NYAP2: variants seen among roughly 807,000 people sequenced by gnomAD.
NYAP2 encodes neuronal tyrosine-phosphorylated phosphoinositide-3-kinase adapter 2.
A neutral mutation model predicts 50.4 loss-of-function variants in NYAP2; 23 were observed. The ratio of observed to expected loss-of-function variants is 0.46; its 90% CI spans 0.33 to 0.65. The LOEUF (loss-of-function observed/expected upper bound fraction) is 0.65. Ranked by LOEUF, NYAP2 falls within the 30% of genes least tolerant of loss-of-function variation. The pLI is 0.02. For synonymous variants in NYAP2, 394 were observed against 365.2 expected (o/e 1.08, Z -0.90); for missense variants, 885 against 861.0 (o/e 1.03, Z -0.35).
At chr2:225,682,689 T>C in the NYAP2 span, among the ~76,000 whole-genome samples, 1 of 152,144 alleles carries the variant, frequency 6.6e-6, no homozygotes, top group Non-Finnish European at 1.5e-5. Flanking sequence ...AAAGAATTCC[T>C]CATATTTTCA....
downstream of NYAP2, among the ~76,000 whole-genome samples, chr2:225,657,356 T>C (rs1246088469): frequency 2.0e-5 from 3 of 151,796 alleles, no homozygotes; most frequent in African/African-American, 7.3e-5. Flanking sequence ...GTGATCCACC[T>C]GCCTCAGCCT....
rs565384451 is a variant in NYAP2 at position 225,635,947 on chromosome 2, A to G, written c.1828+8821A>G. Among the ~76,000 whole-genome samples the G allele has an allele frequency of 2.2e-3, 342 of 152,334 alleles. 2 individuals are homozygous for G. Among genetic ancestry groups the G allele is most frequent in the African/African-American group, 7.8e-3 (325 of 41,578 alleles). On this transcript the variant is annotated intron_variant, in intron 6 of 6. Transcript: ENST00000636099. The stretch of plus-strand genomic sequence containing the variant: ...AATGTGTACATCTTCTCTAATAAAT[A>G]TCCAGCTTGAGATTCATTTATCTAT...
chr2:225,461,123 T>C (rs943343900), intron 3 of NYAP2, among the ~76,000 whole-genome samples: 3 of 152,078 alleles, frequency 2.0e-5, no homozygotes, highest in African/African-American at 4.8e-5. Context: ...TAGTTCTGCT[T>C]AAAGCTAAAT....
At chr2:225,514,402 G>A (rs1371600027) in intron 4 of NYAP2, among the ~76,000 whole-genome samples, 1 of 152,296 alleles carries the variant, frequency 6.6e-6, no homozygotes, top group South Asian at 2.1e-4. Context: ...GTCATTTGGG[G>A]CTGCTATAAC....
the NYAP2 span, among the ~76,000 whole-genome samples, chr2:225,682,714 G>T: frequency 1.3e-5 from 2 of 152,134 alleles, no homozygotes; most frequent in Non-Finnish European, 2.9e-5. Flanking sequence ...TAGCAGGCAT[G>T]CTTCATCTTT....
At chr2:225,452,658 C>T (rs932401303) in intron 3 of NYAP2, among the ~76,000 whole-genome samples, 3 of 152,172 alleles carry the variant, frequency 2.0e-5, no homozygotes, top group African/African-American at 7.2e-5. Context: ...AACTAAGCAA[C>T]CCAAGAGTGC....
chr2:225,620,402 C>T (rs1001985086), intron 5 of NYAP2, among the ~76,000 whole-genome samples: 11 of 151,156 alleles, frequency 7.3e-5, no homozygotes, highest in East Asian at 3.9e-4. Flanking sequence ...CACGCACACA[C>T]GCGCACGCAC....
At chr2:225,622,510 C>T (rs1324265206) in intron 5 of NYAP2, among the ~76,000 whole-genome samples, 1 of 26,200 alleles carries the variant, frequency 3.8e-5, no homozygotes, top group African/African-American at 7.7e-5. Context: ...TCTTTTCTTT[C>T]TTTCTTTCTT....
Position 225,451,394 on chromosome 2 carries a change from C to A in NYAP2, c.221+42293C>A, listed in dbSNP as rs565190030. Among the ~76,000 whole-genome samples the A allele has an allele frequency of 2.0e-5, 3 of 152,200 alleles. 1 individual carries two copies. The East Asian group carries it at 5.8e-4, about 29-fold the overall frequency. On this transcript the variant is annotated intron_variant, in intron 3 of 6. Transcript: ENST00000636099. ...TTATATCTGTAGGAATGCAAATATA[C>A]CTTTTTATACAAAAAATAATTTCAT... is the stretch of plus-strand genomic sequence containing the variant.
chr2:225,411,122 G>A (rs78709037), intron 3 of NYAP2, among the ~76,000 whole-genome samples: 30 of 152,264 alleles, frequency 2.0e-4, no homozygotes, highest in African/African-American at 7.0e-4. Context: ...TAGAGCAAAA[G>A]ACAGAAGTAC....
chr2:225,524,671 CT>C (rs1691122016), intron 4 of NYAP2, among the ~76,000 whole-genome samples: 1 of 152,116 alleles, frequency 6.6e-6, no homozygotes, highest in East Asian at 1.9e-4. Context: ...GCAAAAATGC[CT>C]CTGGACATTG....
chr2:225,613,526 A>G (rs1250493321), intron 5 of NYAP2, among the ~76,000 whole-genome samples: 1 of 152,140 alleles, frequency 6.6e-6, no homozygotes, highest in Non-Finnish European at 1.5e-5. Context: ...CCTTCCATCC[A>G]ATCAAATTGA....
At chr2:225,487,658 C>T (rs1574639459) in intron 3 of NYAP2, among the ~76,000 whole-genome samples, 1 of 152,196 alleles carries the variant, frequency 6.6e-6, no homozygotes, top group African/African-American at 2.4e-5. Context: ...CCACGCCTGG[C>T]AAACTTTCAA....
intron 4 of NYAP2, among the ~76,000 whole-genome samples, chr2:225,517,633 A>G (rs2106188424): frequency 6.6e-6 from 1 of 152,284 alleles, no homozygotes; most frequent in East Asian, 1.9e-4. Flanking sequence ...AATGCCAATG[A>G]TTGTGCATGG....
At chr2:225,402,804 G>A (rs556445157) in intron 2 of NYAP2, among the ~76,000 whole-genome samples, 2 of 152,094 alleles carry the variant, frequency 1.3e-5, no homozygotes, top group African/African-American at 4.8e-5. Flanking sequence ...GTGGGGTAGG[G>A]AGTAGGATTT....
chr2:225,529,108 A>G (rs1007473598), intron 4 of NYAP2, among the ~76,000 whole-genome samples: 3 of 152,208 alleles, frequency 2.0e-5, no homozygotes, highest in Non-Finnish European at 4.4e-5. Context: ...AATAATTACT[A>G]GGATTTTCTA....
intron 4 of NYAP2, among the ~76,000 whole-genome samples, chr2:225,538,794 C>CT (rs1248010073): frequency 0.055 from 3,814 of 69,310 alleles, 57 homozygotes; most frequent in South Asian, 0.12. Context: ...TTCTTTCTTT[C>CT]TTTCTTTCTT....
chr2:225,630,405 G>A (rs1257274147), intron 6 of NYAP2, among the ~76,000 whole-genome samples: 3 of 152,134 alleles, frequency 2.0e-5, no homozygotes, highest in Non-Finnish European at 4.4e-5. Context: ...CTTGATGATT[G>A]TTTTCATGAT....
chr2:225,480,492 A>G (rs1690188045), intron 3 of NYAP2, among the ~76,000 whole-genome samples: 1 of 152,280 alleles, frequency 6.6e-6, no homozygotes, highest in Non-Finnish European at 1.5e-5. Flanking sequence ...TAGATAAGTG[A>G]ACTTCATTCA....
Sources: allele counts gnomAD v4.1 joint callset (sites outside exome capture counted in the v4.1 genomes callset), GRCh38; gene constraint gnomAD v4.1.1; transcripts MANE v1.5; gene names NCBI Gene and HGNC (gene_info 2026-07-23, HGNC 2026-07-21).